TECPR2: variants seen among roughly 807,000 people sequenced by gnomAD.
TECPR2 encodes the protein tectonin beta-propeller repeat-containing protein 2.
In TECPR2, 65 loss-of-function variants were observed where a neutral mutation model predicts 138.1. The ratio of observed to expected loss-of-function variants is 0.47; its 90% CI spans 0.39 to 0.58. The LOEUF is 0.58. Among genes scored for constraint, TECPR2 ranks in the 20% least tolerant of loss-of-function variants. The probability of loss-of-function intolerance (pLI) is 0.00; values close to 1 mark genes in which losing one functional copy is unlikely to be tolerated. For synonymous variants in TECPR2, 746 were observed against 749.8 expected (o/e 0.99, Z 0.08); for missense variants, 1,553 against 1,824.5 (o/e 0.85, Z 2.71).
At chr14:102,481,429 A>G (rs1056266548) in intron 17 of TECPR2, among the ~76,000 whole-genome samples, 3 of 152,214 alleles carry the variant, frequency 2.0e-5, no homozygotes, top group Non-Finnish European at 4.4e-5. Context: ...GATTACAGAT[A>G]GGAGCCACCA....
intron 17 of TECPR2, among the ~76,000 whole-genome samples, chr14:102,467,610 G>A (rs1595140981): frequency 6.6e-6 from 1 of 152,056 alleles, no homozygotes; most frequent in East Asian, 1.9e-4. Flanking sequence ...ACAGGCATGA[G>A]CCACTGCGCC....
Position 102,428,220 on chromosome 14 carries a change from TTG to T in TECPR2, c.952-28_952-27del, listed in dbSNP as rs772522258. ...TTACCGTTGTTTAGTTTTGTGTTTT[TTG>T]TTTTTTTTTTTTTTTTTTTTTTGAC... On this transcript the variant is annotated intron_variant, in intron 6 of 19. Transcript: ENST00000359520. 3,195 of 1,442,816 alleles carry T rather than the reference TTG, an allele frequency of 2.2e-3. 61 individuals are homozygous for T. The highest frequency in any genetic ancestry group is 3.4e-3 in the East Asian group (135 of 39,788). The allele number at this position is 1,442,816 out of a possible 1,614,324, so 89.4% of individuals were successfully genotyped here. A position where few individuals can be genotyped will look rare whatever the true frequency, so the allele number is the denominator to read the frequency against.
chr14:102,476,901 A>G (rs1890778141), intron 17 of TECPR2, among the ~76,000 whole-genome samples: 1 of 152,070 alleles, frequency 6.6e-6, no homozygotes, highest in South Asian at 2.1e-4. Flanking sequence ...CAAAAAATAC[A>G]AAAATTAGCT....
At chr14:102,387,222 A>C (rs145444835) in intron 2 of TECPR2, among the ~76,000 whole-genome samples, 2 of 152,240 alleles carry the variant, frequency 1.3e-5, no homozygotes, top group Admixed American at 1.3e-4. Context: ...ATAGCCTTGC[A>C]TGTGTTTTCA....
chr14:102,483,975 T>C, intron 17 of TECPR2, among the ~76,000 whole-genome samples: 1 of 109,274 alleles, frequency 9.2e-6, no homozygotes, highest in Non-Finnish European at 1.8e-5. Flanking sequence ...TCTTATATTT[T>C]CAGTAGAGAC....
intron 17 of TECPR2, among the ~76,000 whole-genome samples, chr14:102,479,431 C>T (rs1041714505): frequency 1.3e-5 from 2 of 152,248 alleles, no homozygotes; most frequent in South Asian, 2.1e-4. Context: ...CTGAGATGTC[C>T]TTTGGGTCAT....
At chr14:102,430,862 C>T (rs550697881) in intron 7 of TECPR2, among the ~76,000 whole-genome samples, 10 of 152,206 alleles carry the variant, frequency 6.6e-5, no homozygotes, top group Non-Finnish European at 1.5e-4. Flanking sequence ...ATTACAGGTA[C>T]ACATGTATTT....
intron 4 of TECPR2, among the ~76,000 whole-genome samples, chr14:102,411,481 G>A (rs1013532744): frequency 5.3e-5 from 8 of 152,134 alleles, no homozygotes; most frequent in African/African-American, 9.7e-5. Flanking sequence ...ACATTACCTT[G>A]TGAAAGTCCT....
At chr14:102,449,518 G>A (rs1322270566) in intron 13 of TECPR2, 111 bp from the exon 14 acceptor site, 9 of 1,494,392 alleles carry the variant, frequency 6.0e-6, no homozygotes, top group Non-Finnish European at 7.2e-6. Flanking sequence ...TGGTCATCTT[G>A]TTACTAGAAA....
In TECPR2 at chr14:102,466,287, C is replaced by T. The variant is rs138514191; in HGVS notation, c.3789+998C>T. ...CATGGCCACAGGGAGGCTTCTCGTC[C>T]TCCTTGGTGGGTCTTCCTCCTCCAG... On this transcript the variant is annotated intron_variant, in intron 17 of 19. Coordinates refer to ENST00000359520, the MANE Select transcript of TECPR2 (RefSeq NM_014844.5). Among the ~76,000 whole-genome samples the T allele has an allele frequency of 1.8e-3, 278 of 152,304 alleles. 2 individuals are homozygous for T. The highest frequency in any genetic ancestry group is 6.1e-3 in the African/African-American group (253 of 41,566).
At chr14:102,452,105 A>C (rs977763874) in intron 15 of TECPR2, among the ~76,000 whole-genome samples, 1 of 152,232 alleles carries the variant, frequency 6.6e-6, no homozygotes, top group Non-Finnish European at 1.5e-5. Context: ...TGGGAGGTCA[A>C]AGCCACTAAG....
intron 7 of TECPR2, among the ~76,000 whole-genome samples, chr14:102,429,147 G>A (rs1000162651): frequency 1.3e-5 from 2 of 152,052 alleles, no homozygotes; most frequent in Non-Finnish European, 2.9e-5. Flanking sequence ...GTGCCCGGCC[G>A]CTCCTCTGAT....
intron 17 of TECPR2, among the ~76,000 whole-genome samples, chr14:102,494,148 T>C (rs1891221668): frequency 6.6e-6 from 1 of 152,278 alleles, no homozygotes. Flanking sequence ...TGCCTGTAAC[T>C]TGGGCAAATG....
At chr14:102,404,269 C>G (rs1364918185) in intron 2 of TECPR2, among the ~76,000 whole-genome samples, 1 of 152,002 alleles carries the variant, frequency 6.6e-6, no homozygotes, top group African/African-American at 2.4e-5. Context: ...AATACAATTT[C>G]TATCAAACTC....
At chr14:102,431,518 A>ATT (rs1368813738) in intron 7 of TECPR2, among the ~76,000 whole-genome samples, 1 of 151,718 alleles carries the variant, frequency 6.6e-6, no homozygotes, top group Non-Finnish European at 1.5e-5. Flanking sequence ...AATTTTTTGT[A>ATT]TTTTTAGTAG....
Position 102,443,753 on chromosome 14 carries a change from G to A in TECPR2, c.2859G>A (p.Gln953=), listed in dbSNP as rs570449027. The change falls in exon 12 of 20, where the codon CAG becomes CAA. Residue 953 remains glutamine, a synonymous_variant. Transcript: ENST00000359520. This position sits in a 1 kb window ranked among gnomAD's most constrained non-coding sequence, Gnocchi z 4.9. ...RNNVVWALTE[Q]RALLYREGVS... ...ATGTGGTGTGGGCGCTGACAGAGCAGAGGGCCCTCCTGTACCGGGAGGGCG... is the reference window on the plus strand; with the variant it reads ...ATGTGGTGTGGGCGCTGACAGAGCAAAGGGCCCTCCTGTACCGGGAGGGCG... 1 of 1,612,268 alleles carries A rather than the reference G, an allele frequency of 6.2e-7. No homozygotes were observed.
chr14:102,392,421 G>A (rs919360957), intron 2 of TECPR2, among the ~76,000 whole-genome samples: 12 of 152,080 alleles, frequency 7.9e-5, no homozygotes, highest in Admixed American at 1.3e-4. Flanking sequence ...CTGTCATCTA[G>A]TTCAATACTT....
intron 2 of TECPR2, among the ~76,000 whole-genome samples, chr14:102,379,836 A>G (rs897746470): frequency 4.1e-5 from 6 of 145,268 alleles, no homozygotes; most frequent in Non-Finnish European, 4.5e-5. Context: ...GAGGCGTCCT[A>G]GTCACACTGC....
chr14:102,469,321 G>T (rs1318137980), intron 17 of TECPR2, among the ~76,000 whole-genome samples: 1 of 152,068 alleles, frequency 6.6e-6, no homozygotes, highest in Non-Finnish European at 1.5e-5. Flanking sequence ...TCTAAGTTCT[G>T]TATTCCCTTT....
Sources: allele counts gnomAD v4.1 joint callset (sites outside exome capture counted in the v4.1 genomes callset), GRCh38; gene constraint gnomAD v4.1.1; non-coding constraint Gnocchi (gnomAD v3.1); transcripts MANE v1.5; gene names NCBI Gene and HGNC (gene_info 2026-07-23, HGNC 2026-07-21).